OC90: variants seen among roughly 807,000 people sequenced by gnomAD.
OC90 encodes otoconin-90.
Under a neutral mutation model 47.3 loss-of-function variants are expected in OC90, and 46 were observed. That is an observed-to-expected ratio of 0.97 (90% confidence interval 0.77 to 1.24). OC90 has a LOEUF of 1.24. OC90 is among the 50% of genes most tolerant of loss of function. The pLI is 0.00. For synonymous variants in OC90, 271 were observed against 219.5 expected (o/e 1.23, Z -2.07); for missense variants, 688 against 583.9 (o/e 1.18, Z -1.84).
intron 1 of OC90, among the ~76,000 whole-genome samples, chr8:132,056,333 T>C (rs540169482): frequency 6.6e-6 from 1 of 152,278 alleles, no homozygotes; most frequent in South Asian, 2.1e-4. Flanking sequence ...TGAGCAAGGC[T>C]TGGTATTAGG....
chr8:132,052,520 G>A (rs1003195423), intron 2 of OC90, among the ~76,000 whole-genome samples: 4 of 152,136 alleles, frequency 2.6e-5, no homozygotes, highest in Non-Finnish European at 5.9e-5. Flanking sequence ...TGTTAATAAG[G>A]TGTGCTTTCT....
chr8:132,031,026 G>T lies in OC90; in HGVS notation c.1031+855C>A, dbSNP rs1015551764. On this transcript the variant is annotated intron_variant, in intron 12 of 13. Coordinates refer to ENST00000254627, the MANE Select transcript of OC90 (RefSeq NM_001080399.3). The stretch of plus-strand genomic sequence containing the variant: ...AAGGACATGTGCCTTTTGAATGCAG[G>T]TCTCTCCATTGGCCGTGGACAGGGG... Among the ~76,000 whole-genome samples the T allele has an allele frequency of 5.3e-5, 8 of 152,084 alleles. No homozygotes were observed. In the East Asian group the frequency reaches 1.3e-3, roughly 26 times the overall value.
Position 132,044,433 on chromosome 8 carries a change from C to G in OC90, c.169G>C (p.Asp57His), listed in dbSNP as rs751340143. ...AAAAGCAATTTTAGACTTAACTTAC[C>G]AAAAATTTCAGCCACACTTTCCACA... is the stretch of plus-strand genomic sequence containing the variant. Reference protein sequence around the residue: ...KNVESVAEIFDCLGPHFTWLQ... With the variant: ...KNVESVAEIFHCLGPHFTWLQ... The change falls in exon 4 of 14, where the codon GAT (aspartate) becomes CAT (histidine). Residue 57 changes from aspartate (D) to histidine (H), a missense_variant and splice_region_variant. Coordinates refer to ENST00000254627, the MANE Select transcript of OC90 (RefSeq NM_001080399.3). 2.6e-6 allele frequency: 4 copies of G among 1,532,516 alleles called. No individual in the cohort carries two copies. The highest frequency in any genetic ancestry group is 3.6e-6 in the Non-Finnish European group (4 of 1,123,402). 94.9% of individuals were successfully genotyped at this position (1,532,516 alleles called of 1,614,324 possible).
In OC90 at chr8:132,028,799, G is replaced by GAAAGAAAGAAAAAGAAAGAAAGAAAGAA. The variant is rs1431663172; in HGVS notation, c.1138+273_1138+274insTTCTTTCTTTCTTTCTTTTTCTTTCTTT. 1.8e-3 allele frequency among the ~76,000 whole-genome samples: 67 copies of GAAAGAAAGAAAAAGAAAGAAAGAAAGAA among 36,650 alleles called. 1 individual carries two copies. Among genetic ancestry groups the GAAAGAAAGAAAAAGAAAGAAAGAAAGAA allele is most frequent in the African/African-American group, 7.9e-3 (67 of 8,516 alleles). The allele number at this position is 36,650 out of a possible 152,430, so 24.0% of individuals were successfully genotyped here. On this transcript the variant is annotated intron_variant, in intron 13 of 13. Transcript: ENST00000254627. ...AAGAAAGAGAGGAAGAAAGAAGAAG[G>GAAAGAAAGAAAAAGAAAGAAAGAAAGAA]AAAGAAAGAAAGAAAGAAAGAAAAA...
chr8:132,054,908 G>T, intron 2 of OC90, 73 bp downstream of exon 2: 1 of 1,100,598 alleles, frequency 9.1e-7, no homozygotes, highest in Non-Finnish European at 1.3e-6. Flanking sequence ...GGGTGGGCCT[G>T]TTGAAGGGAC....
In OC90 at chr8:132,031,934, A is replaced by T; in HGVS notation, c.978T>A (p.Tyr326Ter). 1 of 1,614,046 alleles carries T rather than the reference A, an allele frequency of 6.2e-7. No individual in the cohort carries two copies. Among genetic ancestry groups the T allele is most frequent in the Non-Finnish European group, 8.5e-7 (1 of 1,179,880 alleles). Residue 326 changes from tyrosine to a stop codon, truncating the protein, a stop_gained, in exon 12 of 14, where the codon TAT (tyrosine) becomes TAA (stop). Transcript: ENST00000254627. LOFTEE classifies it high-confidence loss of function. ...TTCCTTCTTGTCCACAGTAACAGCC[A>T]TAAGACTCAAATTCCTCCGGGCACC... Reference protein sequence around the residue: ...TSRCPEEFESYGCYCGQEGRG... With the variant: ...TSRCPEEFES
intron 1 of OC90, among the ~76,000 whole-genome samples, chr8:132,058,425 T>C (rs1823302756): frequency 6.6e-6 from 1 of 152,160 alleles, no homozygotes; most frequent in African/African-American, 2.4e-5. Flanking sequence ...AGCCTCGCCT[T>C]GGTCTGCATG....
chr8:132,045,812 C>G lies in OC90; in HGVS notation c.112+6G>C. On this transcript the variant is annotated splice_donor_region_variant and intron_variant, in intron 3 of 13. Transcript: ENST00000254627. The stretch of plus-strand genomic sequence containing the variant: ...TGCTCCTAAGAAAAGTTCTAAGAAT[C>G]CTTACTGATATTGTTTGGGAGTCCT... The G allele has an allele frequency of 6.6e-7, 1 of 1,511,012 alleles. No homozygotes were observed. The allele number at this position is 1,511,012 out of a possible 1,614,324, so 93.6% of individuals were successfully genotyped here.
chr8:132,034,665 A>G lies in OC90; in HGVS notation c.733+116T>C, dbSNP rs969542586. On this transcript the variant is annotated intron_variant, in intron 10 of 13. Coordinates refer to ENST00000254627, the MANE Select transcript of OC90 (RefSeq NM_001080399.3). ...TCCGATTCTTGCCCCATCACCTCCCATGCTGACAAGGTCATGGTGCATTTC... is the reference window on the plus strand; with the variant it reads ...TCCGATTCTTGCCCCATCACCTCCCGTGCTGACAAGGTCATGGTGCATTTC... The G allele has an allele frequency of 2.5e-5, 18 of 709,580 alleles. No homozygotes were observed. In the African/African-American group the frequency reaches 3.1e-4, roughly 12 times the overall value. The allele number at this position is 709,580 out of a possible 1,614,324, so 44.0% of individuals were successfully genotyped here. A position where few individuals can be genotyped will look rare whatever the true frequency, so the allele number is the denominator to read the frequency against.
At chr8:132,038,696 G>C in intron 8 of OC90, 94 bp downstream of exon 8, 1 of 968,290 alleles carries the variant, frequency 1.0e-6, no homozygotes, top group South Asian at 1.4e-5. Flanking sequence ...TCCAGCTCCA[G>C]TGAGGCAGGC....
At chr8:132,025,984 T>C (rs1285416727) in intron 13 of OC90, among the ~76,000 whole-genome samples, 2 of 152,236 alleles carry the variant, frequency 1.3e-5, no homozygotes, top group Non-Finnish European at 2.9e-5. Context: ...CTATTCATCA[T>C]TCATATTACC....
rs1018064856 is a variant in OC90, at chr8:132,039,707, C to T, written c.458-584G>A. The stretch of plus-strand genomic sequence containing the variant: ...CAACCCATTTGTGTCTCACTGCTCC[C>T]TTATTTCTCAACCACAACAGGCCTC... On this transcript the variant is annotated intron_variant, in intron 6 of 13. Transcript: ENST00000254627. Among the ~76,000 whole-genome samples, 10 of 152,278 alleles carry T rather than the reference C, an allele frequency of 6.6e-5. No homozygotes were observed. The Middle Eastern group carries it at 0.014, about 207-fold the overall frequency.
chr8:132,028,702 G>GAAAGAAAGAAAGAAAGAA (rs1207296590), intron 13 of OC90, among the ~76,000 whole-genome samples: 1 of 62,782 alleles, frequency 1.6e-5, no homozygotes, highest in African/African-American at 5.2e-5. Flanking sequence ...GAAAGAAAGA[G>GAAAGAAAGAAAGAAAGAA]AGACAGAAAG....
At chr8:132,034,537 T>C (rs1822925598) in intron 10 of OC90, among the ~76,000 whole-genome samples, 2 of 152,162 alleles carry the variant, frequency 1.3e-5, no homozygotes. Context: ...TTCTGAATTA[T>C]TGGTGCTAAT....
intron 9 of OC90, chr8:132,036,350 T>C: frequency 1.3e-6 from 1 of 780,808 alleles, no homozygotes; most frequent in Non-Finnish European, 2.4e-6. Context: ...GCTGTCCTTT[T>C]CCAAATTCCC....
chr8:132,052,482 G>A (rs1823225931), intron 2 of OC90, among the ~76,000 whole-genome samples: 1 of 152,098 alleles, frequency 6.6e-6, no homozygotes, highest in African/African-American at 2.4e-5. Flanking sequence ...TCTTCTGGAG[G>A]GTGGGAGATA....
At chr8:132,034,902 C>T (rs1026022420) in intron 9 of OC90, 68 bp from the exon 10 acceptor site, 3 of 1,149,422 alleles carry the variant, frequency 2.6e-6, no homozygotes, top group East Asian at 2.4e-5. Context: ...TTTCCAGAGG[C>T]TCTTCCCACC....
chr8:132,034,362 T>C (rs1039394070), intron 10 of OC90, among the ~76,000 whole-genome samples: 1 of 152,220 alleles, frequency 6.6e-6, no homozygotes. Flanking sequence ...TAGTCAGTAG[T>C]AGCTATCAGA....
In OC90 at chr8:132,048,669, G is replaced by A. The variant is rs150881297; in HGVS notation, c.47-2786C>T. 8.1e-4 allele frequency among the ~76,000 whole-genome samples: 123 copies of A among 151,622 alleles called. 5 individuals carry two copies. Among genetic ancestry groups the A allele is most frequent in the African/African-American group, 3.0e-3 (121 of 40,910 alleles). On this transcript the variant is annotated intron_variant, in intron 2 of 13. Coordinates refer to ENST00000254627, the MANE Select transcript of OC90 (RefSeq NM_001080399.3). ...CAAGGGAATGGACAGAATGACTGGG[G>A]TCCTCGTCCTTTTATCTGGAAAGTC... is the stretch of plus-strand genomic sequence containing the variant.
Sources: allele counts gnomAD v4.1 joint callset (sites outside exome capture counted in the v4.1 genomes callset), GRCh38; gene constraint gnomAD v4.1.1; transcripts MANE v1.5; gene names NCBI Gene and HGNC (gene_info 2026-07-23, HGNC 2026-07-21).